The following XKR9 variants were observed in gnomAD, a reference collection of about 807,000 sequenced individuals.
XKR9 encodes the protein XK related 9.
A neutral mutation model predicts 32.0 loss-of-function variants in XKR9; 32 were observed. The ratio of observed to expected loss-of-function variants is 1.00; its 90% CI spans 0.76 to 1.34. The LOEUF (loss-of-function observed/expected upper bound fraction) is 1.34. Ranked by LOEUF, XKR9 falls within the 40% of genes most tolerant of loss-of-function variation. The pLI, the probability that XKR9 is intolerant of heterozygous loss-of-function variation, is 0.00. For missense variants in XKR9, 546 were observed against 429.7 expected, an observed-to-expected ratio of 1.27 and a Z score of -2.39; for synonymous variants, 168 against 143.4, an observed-to-expected ratio of 1.17 and a Z score of -1.22.
chr8:70,672,767 A>G (rs1818757116), intron 1 of XKR9, among the ~76,000 whole-genome samples: 1 of 152,002 alleles, frequency 6.6e-6, no homozygotes, highest in Admixed American at 6.6e-5. Flanking sequence ...TAACTGGGGT[A>G]AGATGATATC....
chr8:70,956,951 G>A, the XKR9 span, among the ~76,000 whole-genome samples: 3 of 152,100 alleles, frequency 2.0e-5, no homozygotes, highest in African/African-American at 7.2e-5. Context: ...AGGAGTGTGA[G>A]GCTCCTGCCT....
chr8:70,967,007 G>A, the XKR9 span, among the ~76,000 whole-genome samples: 1 of 150,056 alleles, frequency 6.7e-6, no homozygotes, highest in Admixed American at 6.6e-5. Flanking sequence ...TTGAGTGTAT[G>A]TGTGTCTTTG....
downstream of XKR9, among the ~76,000 whole-genome samples, chr8:70,739,593 CA>C (rs754417790): frequency 3.9e-5 from 6 of 152,098 alleles, no homozygotes; most frequent in Non-Finnish European, 5.9e-5. Context: ...CATGATTTTG[CA>C]GTGGCTGGTA....
the XKR9 span, among the ~76,000 whole-genome samples, chr8:71,029,059 C>T: frequency 1.4e-4 from 21 of 152,136 alleles, no homozygotes; most frequent in Non-Finnish European, 2.4e-4. Context: ...CCGTTGTCTT[C>T]CTGTTGGTCT....
the XKR9 span, among the ~76,000 whole-genome samples, chr8:70,942,715 G>A: frequency 6.6e-6 from 1 of 152,048 alleles, no homozygotes; most frequent in Admixed American, 6.6e-5. Flanking sequence ...TGCGGTTGGG[G>A]CTAAAAGTAT....
intron 2 of XKR9, among the ~76,000 whole-genome samples, chr8:70,783,600 G>A (rs1427906552): frequency 1.3e-5 from 2 of 151,792 alleles, no homozygotes; most frequent in Admixed American, 1.3e-4. Flanking sequence ...TGTATATTTT[G>A]GATATTAACC....
At chr8:70,702,441 A>G (rs926988331) in intron 3 of XKR9, among the ~76,000 whole-genome samples, 8 of 152,160 alleles carry the variant, frequency 5.3e-5, no homozygotes, top group South Asian at 2.1e-4. Context: ...AGTTAGGTCA[A>G]TTAGGCAGAT....
chr8:70,780,245 C>A (rs1033823224), intron 2 of XKR9, among the ~76,000 whole-genome samples: 3 of 151,412 alleles, frequency 2.0e-5, no homozygotes, highest in Non-Finnish European at 4.4e-5. Context: ...TATTGTTTTT[C>A]ACTTAAATTT....
the XKR9 span, among the ~76,000 whole-genome samples, chr8:70,918,123 C>G: frequency 1.3e-5 from 2 of 152,170 alleles, no homozygotes; most frequent in African/African-American, 4.8e-5. Context: ...TGCTAAATTC[C>G]TTCACATTTT....
chr8:71,038,342 A>G, the XKR9 span, among the ~76,000 whole-genome samples: 1 of 125,410 alleles, frequency 8.0e-6, no homozygotes, highest in Non-Finnish European at 1.6e-5. Context: ...TTTTTTTGAG[A>G]CACAGTCTCG....
the XKR9 span, among the ~76,000 whole-genome samples, chr8:70,976,478 G>A: frequency 2.0e-5 from 3 of 152,202 alleles, no homozygotes; most frequent in African/African-American, 7.2e-5. Context: ...AGATAATCAT[G>A]TGGTTTTGGT....
the XKR9 span, among the ~76,000 whole-genome samples, chr8:70,934,890 A>G: frequency 4.3e-4 from 65 of 151,870 alleles, no homozygotes; most frequent in Non-Finnish European, 7.1e-4. Flanking sequence ...ACTTCTTTTA[A>G]TATTTACTTA....
chr8:70,791,694 A>G (rs543637746), downstream of XKR9, among the ~76,000 whole-genome samples: 3 of 151,958 alleles, frequency 2.0e-5, no homozygotes, highest in Non-Finnish European at 4.4e-5. Context: ...TAGCCCCTCA[A>G]TTTTGTACTT....
At chr8:70,877,105 G>T in the XKR9 span, among the ~76,000 whole-genome samples, 3 of 152,106 alleles carry the variant, frequency 2.0e-5, no homozygotes, top group South Asian at 4.1e-4. Flanking sequence ...ATGGCAGAAG[G>T]CACCTCTTCA....
At chr8:70,705,669 A>G (rs903292141) in intron 3 of XKR9, among the ~76,000 whole-genome samples, 1 of 152,170 alleles carries the variant, frequency 6.6e-6, no homozygotes, top group African/African-American at 2.4e-5. Context: ...GCCTTGTAAC[A>G]TATGATAAGG....
chr8:70,700,330 TTGA>T (rs2132159092), intron 3 of XKR9, among the ~76,000 whole-genome samples: 1 of 152,274 alleles, frequency 6.6e-6, no homozygotes, highest in East Asian at 1.9e-4. Flanking sequence ...CTTTTGGTCT[TTGA>T]TGATGGTGAT....
chr8:70,844,567 A>T, the XKR9 span, among the ~76,000 whole-genome samples: 4 of 152,108 alleles, frequency 2.6e-5, no homozygotes, highest in Non-Finnish European at 5.9e-5. Flanking sequence ...TGCTCACTAC[A>T]GCCTCAAGTG....
the XKR9 span, among the ~76,000 whole-genome samples, chr8:70,808,229 G>C: frequency 6.6e-6 from 1 of 152,126 alleles, no homozygotes; most frequent in East Asian, 1.9e-4. Context: ...TGAGAAGAAA[G>C]GGACAATGTA....
chr8:70,821,975 T>G, the XKR9 span, among the ~76,000 whole-genome samples: 2 of 152,220 alleles, frequency 1.3e-5, no homozygotes, highest in Non-Finnish European at 2.9e-5. Flanking sequence ...GAATGTCTCC[T>G]CAGAAAATGG....
Sources: gnomAD v4.1 joint callset for allele counts (sites outside exome capture counted in the v4.1 genomes callset) on GRCh38, gnomAD v4.1.1 for gene constraint, MANE v1.5 for transcripts, NCBI Gene and HGNC (gene_info 2026-07-23, HGNC 2026-07-21) for gene names.